SORCS3: variants seen among roughly 807,000 people sequenced by gnomAD.
The protein encoded by SORCS3 is VPS10 domain-containing receptor SorCS3.
A neutral mutation model predicts 146.3 loss-of-function variants in SORCS3; 57 were observed. That is an observed-to-expected ratio of 0.39 (90% CI 0.31 to 0.49). The LOEUF (loss-of-function observed/expected upper bound fraction) is 0.49. SORCS3 is among the 20% of genes least tolerant of loss of function. The pLI is 0.92. For missense variants in SORCS3, 1,341 were observed against 1,575.5 expected, an observed-to-expected ratio of 0.85 and a Z score of 2.52; for synonymous variants, 653 against 618.5, an observed-to-expected ratio of 1.06 and a Z score of -0.83.
At chr10:104,800,328 A>G (rs1271816226) in intron 1 of SORCS3, among the ~76,000 whole-genome samples, 2 of 152,184 alleles carry the variant, frequency 1.3e-5, no homozygotes, top group African/African-American at 4.8e-5. Context: ...GTAGTTAGCG[A>G]GGAGAGGGGA....
chr10:105,030,175 T>C (rs2055256091), intron 4 of SORCS3, among the ~76,000 whole-genome samples: 1 of 152,210 alleles, frequency 6.6e-6, no homozygotes, highest in African/African-American at 2.4e-5. Context: ...CCCCCAAAAC[T>C]TAATGATTTT....
chr10:104,857,843 G>A (rs547621855), intron 2 of SORCS3, among the ~76,000 whole-genome samples: 1 of 152,294 alleles, frequency 6.6e-6, no homozygotes, highest in Admixed American at 6.5e-5. Flanking sequence ...TGGTGGAGCA[G>A]AGGATAAAGA....
chr10:105,084,770 G>T (rs534060337), intron 5 of SORCS3, among the ~76,000 whole-genome samples: 2 of 148,210 alleles, frequency 1.3e-5, no homozygotes, highest in Non-Finnish European at 3.0e-5. Flanking sequence ...TCGCTCTGTC[G>T]CCCAGGCTGA....
intron 1 of SORCS3, among the ~76,000 whole-genome samples, chr10:104,799,415 A>G (rs2017597763): frequency 6.6e-6 from 1 of 152,162 alleles, no homozygotes; most frequent in Non-Finnish European, 1.5e-5. Context: ...GAAGCTGGAA[A>G]CCATCAGTCT....
chr10:104,669,605 G>A (rs1002704548), intron 1 of SORCS3, among the ~76,000 whole-genome samples: 13 of 152,178 alleles, frequency 8.5e-5, no homozygotes, highest in African/African-American at 9.7e-5. Context: ...TCCATTGTAT[G>A]TATTTACCAT....
At chr10:105,193,422 A>T (rs1036081979) in intron 14 of SORCS3, among the ~76,000 whole-genome samples, 1 of 152,220 alleles carries the variant, frequency 6.6e-6, no homozygotes, top group African/African-American at 2.4e-5. Context: ...TTTATTAAGC[A>T]TCTGTTATAT....
intron 22 of SORCS3, among the ~76,000 whole-genome samples, chr10:105,250,398 T>A (rs947372957): frequency 6.6e-6 from 1 of 152,298 alleles, no homozygotes; most frequent in South Asian, 2.1e-4. Flanking sequence ...AGGAAATAAC[T>A]TGTAATTGCA....
chr10:105,237,680 T>G (rs1220568425), intron 20 of SORCS3, among the ~76,000 whole-genome samples: 1 of 152,192 alleles, frequency 6.6e-6, no homozygotes, highest in Non-Finnish European at 1.5e-5. Flanking sequence ...GCCGTGATTT[T>G]AGAGCTGTTT....
chr10:104,924,127 T>G (rs115253185), intron 3 of SORCS3, among the ~76,000 whole-genome samples: 220 of 152,318 alleles, frequency 1.4e-3, no homozygotes, highest in African/African-American at 5.1e-3. Flanking sequence ...TTAACTCGTT[T>G]CCATTCATAT....
intron 17 of SORCS3, among the ~76,000 whole-genome samples, chr10:105,213,738 T>C (rs2056648445): frequency 6.6e-6 from 1 of 152,106 alleles, no homozygotes; most frequent in Admixed American, 6.5e-5. Context: ...TGTCAGGTGA[T>C]TTTCCCATGC....
intron 1 of SORCS3, among the ~76,000 whole-genome samples, chr10:104,721,838 A>T (rs1233754409): frequency 1.3e-5 from 2 of 152,188 alleles, no homozygotes; most frequent in African/African-American, 4.8e-5. Context: ...GTATCCTGAG[A>T]CTTCACTTAA....
intron 4 of SORCS3, among the ~76,000 whole-genome samples, chr10:104,986,484 TTTCC>T (rs1324746597): frequency 6.6e-6 from 1 of 152,212 alleles, no homozygotes; most frequent in Non-Finnish European, 1.5e-5. Flanking sequence ...GGACTTGTAA[TTTCC>T]TTCAAAAACT....
intron 1 of SORCS3, among the ~76,000 whole-genome samples, chr10:104,789,451 T>G (rs2017472661): frequency 6.6e-6 from 1 of 152,114 alleles, no homozygotes; most frequent in Non-Finnish European, 1.5e-5. Flanking sequence ...GACATCAGAT[T>G]CCTGGAGGGC....
At chr10:105,052,334 T>G (rs1052476648) in intron 5 of SORCS3, among the ~76,000 whole-genome samples, 2 of 152,210 alleles carry the variant, frequency 1.3e-5, no homozygotes, top group South Asian at 2.1e-4. Context: ...TGTTTTCTCT[T>G]TCTCTGGCTT....
At chr10:104,812,972 C>T (rs905749952) in intron 1 of SORCS3, among the ~76,000 whole-genome samples, 5 of 152,158 alleles carry the variant, frequency 3.3e-5, no homozygotes, top group African/African-American at 1.2e-4. Flanking sequence ...CTGCAATTTG[C>T]CCCCAGCTCT....
chr10:105,097,414 C>T (rs753240176), intron 6 of SORCS3, among the ~76,000 whole-genome samples: 1 of 152,142 alleles, frequency 6.6e-6, no homozygotes, highest in Admixed American at 6.5e-5. Context: ...CTCTGAATGT[C>T]CCTGCACATG....
intron 3 of SORCS3, among the ~76,000 whole-genome samples, chr10:104,955,546 T>C (rs765621594): frequency 6.6e-6 from 1 of 152,226 alleles, no homozygotes; most frequent in African/African-American, 2.4e-5. Flanking sequence ...GAGTTAAATT[T>C]GTATTATTTG....
At chr10:105,097,708 G>C (rs1212770275) in intron 6 of SORCS3, among the ~76,000 whole-genome samples, 1 of 151,948 alleles carries the variant, frequency 6.6e-6, no homozygotes, top group Non-Finnish European at 1.5e-5. Flanking sequence ...GAGTAAAATT[G>C]TCAACAAGGG....
intron 4 of SORCS3, among the ~76,000 whole-genome samples, chr10:105,014,787 A>G (rs1163734208): frequency 6.6e-6 from 1 of 152,202 alleles, no homozygotes; most frequent in East Asian, 1.9e-4. Flanking sequence ...TAACACACCT[A>G]TAAGGGGCTG....
Sources: allele counts gnomAD v4.1 joint callset (sites outside exome capture counted in the v4.1 genomes callset), GRCh38; gene constraint gnomAD v4.1.1; transcripts MANE v1.5; gene names NCBI Gene and HGNC (gene_info 2026-07-23, HGNC 2026-07-21).